Variants in GOLIM4 observed in about 807,000 individuals in gnomAD.
The protein encoded by GOLIM4 is 130 kDa golgi-localized phosphoprotein.
GOLIM4 carries 71 observed loss-of-function variants against 107.4 expected under a neutral mutation model. That is an observed-to-expected ratio of 0.66 (90% CI 0.55 to 0.81). The LOEUF (loss-of-function observed/expected upper bound fraction) is 0.81. Ranked by LOEUF, GOLIM4 falls within the 30% of genes least tolerant of loss-of-function variation. The pLI is 0.00. For synonymous variants in GOLIM4, 327 were observed against 294.8 expected (o/e 1.11, Z -1.12); for missense variants, 830 against 826.1 (o/e 1.00, Z -0.06).
chr3:168,031,109 A>G (rs4955783), intron 9 of GOLIM4, among the ~76,000 whole-genome samples: 77,587 of 152,016 alleles, frequency 0.51, 21,697 homozygotes, highest in African/African-American at 0.71. Flanking sequence ...AAAGACATAC[A>G]TTGCATATTC....
At chr3:168,052,563 C>T (rs73174989) in intron 1 of GOLIM4, among the ~76,000 whole-genome samples, 6,212 of 152,124 alleles carry the variant, frequency 0.041, 169 homozygotes, top group Non-Finnish European at 0.067. Flanking sequence ...AAAATAAAAA[C>T]GGAAAGACAG....
At chr3:168,063,231 A>G (rs1179380348) in intron 1 of GOLIM4, among the ~76,000 whole-genome samples, 1 of 152,192 alleles carries the variant, frequency 6.6e-6, no homozygotes, top group African/African-American at 2.4e-5. Flanking sequence ...AAAGACCATG[A>G]AGACAAAGTC....
chr3:168,038,874 G>C (rs1718809903), intron 7 of GOLIM4, among the ~76,000 whole-genome samples: 1 of 152,214 alleles, frequency 6.6e-6, no homozygotes, highest in Admixed American at 6.5e-5. Context: ...TAGGTCGTAA[G>C]GGTGAAGCCC....
At chr3:168,059,322 T>C (rs1720137496) in intron 1 of GOLIM4, among the ~76,000 whole-genome samples, 2 of 152,224 alleles carry the variant, frequency 1.3e-5, no homozygotes, top group Admixed American at 6.5e-5. Flanking sequence ...TAACTACCAC[T>C]GTCTTCTCCT....
intron 1 of GOLIM4, among the ~76,000 whole-genome samples, chr3:168,080,456 G>C (rs1157597464): frequency 1.3e-5 from 2 of 152,144 alleles, no homozygotes; most frequent in African/African-American, 4.8e-5. Context: ...TTAAGATTCA[G>C]CTCCTCAGTC....
At chr3:168,016,757 T>C (rs1392804037) in intron 14 of GOLIM4, among the ~76,000 whole-genome samples, 1 of 136,704 alleles carries the variant, frequency 7.3e-6, no homozygotes, top group Admixed American at 6.9e-5. Flanking sequence ...ATGGATGAAA[T>C]TGGAAAACAT....
chr3:168,072,904 T>C (rs1016165355), intron 1 of GOLIM4, among the ~76,000 whole-genome samples: 1 of 152,216 alleles, frequency 6.6e-6, no homozygotes, highest in Admixed American at 6.5e-5. Flanking sequence ...GATGATCATA[T>C]GTAATGAAAC....
rs77530757 is a variant in GOLIM4 at position 168,024,341 on chromosome 3, C to G, written c.1860+185G>C. Among the ~76,000 whole-genome samples the G allele has an allele frequency of 2.9e-3, 438 of 152,344 alleles. 3 individuals are homozygous for G. Among genetic ancestry groups the G allele is most frequent in the African/African-American group, 9.9e-3 (411 of 41,590 alleles). On this transcript the variant is annotated intron_variant, in intron 14 of 15. Transcript: ENST00000470487. ...GATTCTATTACCCTGCTTTTGTTAT[C>G]TTCTAACCAAATGTCTCCAGTGCCA...
At chr3:168,053,055 A>T (rs1040787861) in intron 1 of GOLIM4, among the ~76,000 whole-genome samples, 2 of 152,228 alleles carry the variant, frequency 1.3e-5, no homozygotes, top group African/African-American at 4.8e-5. Context: ...AATATTTTCC[A>T]TGCAACCAGG....
Position 168,036,899 on chromosome 3 carries a change from C to T in GOLIM4, c.780G>A (p.Gln260=). 1 of 1,613,608 alleles carries T rather than the reference C, an allele frequency of 6.2e-7. No homozygotes were observed. The highest frequency in any genetic ancestry group is 8.5e-7 in the Non-Finnish European group (1 of 1,179,524). ...TGTAACCTTGTGGAGAATGTGCCAC[C>T]TGGGTCACATTTTGCTGTTCTGCTG... The part of the protein sequence containing the change: ...PDPAEQQNVT[Q]VAHSPQGYNT... Residue 260 remains glutamine (Q), a synonymous_variant, in exon 8 of 16, where the codon CAG becomes CAA. Transcript: ENST00000470487.
At chr3:168,043,560 A>C in intron 4 of GOLIM4, 31 bp from the exon 5 acceptor site, 1 of 1,564,260 alleles carries the variant, frequency 6.4e-7, no homozygotes, top group South Asian at 1.2e-5. Context: ...GTAGAAATAT[A>C]CATTCTCTGA....
At chr3:168,053,140 C>T (rs919894360) in intron 1 of GOLIM4, among the ~76,000 whole-genome samples, 99 of 152,314 alleles carry the variant, frequency 6.5e-4, no homozygotes, top group African/African-American at 2.3e-3. Context: ...AGCAATTTTC[C>T]ATTTTAACTC....
intron 12 of GOLIM4, among the ~76,000 whole-genome samples, chr3:168,026,948 A>G (rs575269467): frequency 3.0e-4 from 45 of 152,220 alleles, no homozygotes; most frequent in Non-Finnish European, 5.9e-4. Flanking sequence ...GCACAGACCG[A>G]CTGTTATAAA....
chr3:168,069,673 C>A (rs1337037720), intron 1 of GOLIM4, among the ~76,000 whole-genome samples: 2 of 152,266 alleles, frequency 1.3e-5, no homozygotes, highest in South Asian at 4.1e-4. Context: ...TTGAGTTTTG[C>A]TGCTTTGATG....
At chr3:168,010,483 C>G (rs1716939690) in intron 15 of GOLIM4, 65 bp from the exon 16 acceptor site, 1 of 1,126,676 alleles carries the variant, frequency 8.9e-7, no homozygotes, top group Non-Finnish European at 1.3e-6. Context: ...ATAATTCTCT[C>G]TAAAAACAGG....
chr3:168,030,541 G>A (rs2108228794), intron 9 of GOLIM4, among the ~76,000 whole-genome samples: 1 of 146,888 alleles, frequency 6.8e-6, no homozygotes, highest in Admixed American at 6.8e-5. Context: ...CCACATTCCA[G>A]GTAATAGTGG....
intron 1 of GOLIM4, among the ~76,000 whole-genome samples, chr3:168,087,082 C>A (rs1438669190): frequency 2.0e-5 from 3 of 152,104 alleles, no homozygotes; most frequent in African/African-American, 4.8e-5. Flanking sequence ...GACATGCAGG[C>A]ACCCCTCAGG....
chr3:168,078,467 CTCA>C (rs1721179159), intron 1 of GOLIM4, among the ~76,000 whole-genome samples: 1 of 152,064 alleles, frequency 6.6e-6, no homozygotes, highest in South Asian at 2.1e-4. Flanking sequence ...AATTCTTATT[CTCA>C]TCACTGTTCA....
At chr3:168,012,384 C>A (rs1423269801) in intron 14 of GOLIM4, among the ~76,000 whole-genome samples, 11 of 144,790 alleles carry the variant, frequency 7.6e-5, no homozygotes, top group African/African-American at 3.2e-4. Context: ...AAATATGGGA[C>A]TATGTGAAAA....
Sources: allele counts gnomAD v4.1 joint callset (sites outside exome capture counted in the v4.1 genomes callset), GRCh38; gene constraint gnomAD v4.1.1; transcripts MANE v1.5; gene names NCBI Gene and HGNC (gene_info 2026-07-23, HGNC 2026-07-21).